Variants in ZSCAN25 observed in about 807,000 individuals in gnomAD.
ZSCAN25 encodes the protein zinc finger and SCAN domain containing 25.
A neutral mutation model predicts 38.7 loss-of-function variants in ZSCAN25; 27 were observed. The ratio of observed to expected loss-of-function variants is 0.70; its 90% confidence interval spans 0.51 to 0.96. The LOEUF is 0.96. ZSCAN25 is among the 40% of genes least tolerant of loss of function. The pLI is 0.00. For missense variants in ZSCAN25, 637 were observed against 705.9 expected (o/e 0.90, Z 1.11); for synonymous variants, 273 against 277.7 (o/e 0.98, Z 0.17).
At chr7:99,720,192 T>C in the ZSCAN25 span, 1 of 1,220,824 alleles carries the variant, frequency 8.2e-7, no homozygotes, top group Non-Finnish European at 1.2e-6. Flanking sequence ...ATGGGCAGGA[T>C]GAAGTGTACA....
the ZSCAN25 span, among the ~76,000 whole-genome samples, chr7:99,711,366 C>T: frequency 6.6e-6 from 1 of 152,132 alleles, no homozygotes; most frequent in African/African-American, 2.4e-5. Flanking sequence ...AATTAAAGGA[C>T]CTTTCCTTTA....
At chr7:99,642,429 G>A in the ZSCAN25 span, among the ~76,000 whole-genome samples, 1 of 152,184 alleles carries the variant, frequency 6.6e-6, no homozygotes, top group Non-Finnish European at 1.5e-5. Context: ...TGGACACCTA[G>A]CACCAACCAT....
chr7:99,705,580 G>T, the ZSCAN25 span: 1 of 1,613,236 alleles, frequency 6.2e-7, no homozygotes, highest in Non-Finnish European at 8.5e-7. Flanking sequence ...CCTCCAAAGC[G>T]TAATTTCAGG....
chr7:99,657,238 C>G, the ZSCAN25 span, among the ~76,000 whole-genome samples: 2 of 152,198 alleles, frequency 1.3e-5, no homozygotes, highest in African/African-American at 4.8e-5. Flanking sequence ...AAATTTCCCT[C>G]TACACATTGC....
At chr7:99,695,934 G>T in the ZSCAN25 span, 2 of 1,008,860 alleles carry the variant, frequency 2.0e-6, no homozygotes, top group Non-Finnish European at 3.0e-6. Context: ...ATGCTCAAGA[G>T]AAGGAGGTAA....
chr7:99,634,743 G>C (rs1584379562), downstream of ZSCAN25, among the ~76,000 whole-genome samples: 1 of 152,176 alleles, frequency 6.6e-6, no homozygotes, highest in Non-Finnish European at 1.5e-5. Context: ...CTTGCAGTGA[G>C]CCGAGATCGC....
chr7:99,672,014 G>T, the ZSCAN25 span: 1 of 573,954 alleles, frequency 1.7e-6, no homozygotes. Flanking sequence ...TATTAGGTTG[G>T]TGCAAAAGTT....
the ZSCAN25 span, among the ~76,000 whole-genome samples, chr7:99,645,253 TGC>T: frequency 6.6e-6 from 1 of 152,240 alleles, no homozygotes; most frequent in Non-Finnish European, 1.5e-5. Context: ...CTTCTGAAAG[TGC>T]TGGGATTACA....
the ZSCAN25 span, among the ~76,000 whole-genome samples, chr7:99,688,084 C>T: frequency 6.6e-6 from 1 of 152,140 alleles, no homozygotes; most frequent in African/African-American, 2.4e-5. Context: ...AAGGTAAAGA[C>T]CATCAAGGCT....
At chr7:99,677,960 G>A in the ZSCAN25 span, among the ~76,000 whole-genome samples, 1 of 152,350 alleles carries the variant, frequency 6.6e-6, no homozygotes, top group African/African-American at 2.4e-5. Flanking sequence ...GCTGTGCTGG[G>A]CGAACTCTTT....
At chr7:99,626,307 T>G (rs1323029815) in intron 7 of ZSCAN25, among the ~76,000 whole-genome samples, 1 of 151,990 alleles carries the variant, frequency 6.6e-6, no homozygotes, top group Non-Finnish European at 1.5e-5. Flanking sequence ...GTGAGTAGAG[T>G]GAGGCCGCTG....
the ZSCAN25 span, chr7:99,638,737 C>G: frequency 2.5e-5 from 31 of 1,234,824 alleles, no homozygotes; most frequent in Non-Finnish European, 3.6e-5. Context: ...TTCCTTGTTC[C>G]CGAAGATTTT....
the ZSCAN25 span, among the ~76,000 whole-genome samples, chr7:99,649,540 T>C: frequency 6.6e-6 from 1 of 152,314 alleles, no homozygotes; most frequent in African/African-American, 2.4e-5. Flanking sequence ...ATTCTCCACC[T>C]TGGCTTCACG....
At chr7:99,700,349 T>C in the ZSCAN25 span, among the ~76,000 whole-genome samples, 4 of 152,154 alleles carry the variant, frequency 2.6e-5, no homozygotes, top group African/African-American at 9.7e-5. Flanking sequence ...GCATGAAGCC[T>C]CTTAAATATC....
At chr7:99,617,923 G>A (rs897290780) in intron 1 of ZSCAN25, among the ~76,000 whole-genome samples, 3 of 152,254 alleles carry the variant, frequency 2.0e-5, no homozygotes, top group African/African-American at 7.2e-5. Flanking sequence ...CACTAGTGGA[G>A]TGAACCAATG....
In ZSCAN25 at chr7:99,626,363, C is replaced by T. The variant is rs140917170; in HGVS notation, c.805+2183C>T. On this transcript the variant is annotated intron_variant, in intron 7 of 7. Coordinates refer to ENST00000394152, the MANE Select transcript of ZSCAN25 (RefSeq NM_145115.3). ...GGTCCTTGTTTAAAAATTTTTTCTGCGCAGAGTAATGTGATGGAGGTTTTA... is the reference window on the plus strand; with the variant it reads ...GGTCCTTGTTTAAAAATTTTTTCTGTGCAGAGTAATGTGATGGAGGTTTTA... Among the ~76,000 whole-genome samples the T allele has an allele frequency of 1.2e-3, 180 of 152,182 alleles. 1 individual carries two copies. Among genetic ancestry groups the T allele is most frequent in the Non-Finnish European group, 1.5e-3 (101 of 68,006 alleles).
At chr7:99,658,938 C>T in the ZSCAN25 span, 1 of 152,182 alleles carries the variant, frequency 6.6e-6, no homozygotes, top group African/African-American at 2.4e-5. Flanking sequence ...TCCATCAGGT[C>T]CTTTAAGGAC....
At chr7:99,652,791 G>T in the ZSCAN25 span, 78 of 1,604,676 alleles carry the variant, frequency 4.9e-5, no homozygotes, top group Middle Eastern at 3.3e-4. Flanking sequence ...TGGAAGGAAA[G>T]AAACAGAATT....
At chr7:99,722,286 G>C in the ZSCAN25 span, 1 of 1,613,538 alleles carries the variant, frequency 6.2e-7, no homozygotes, top group Non-Finnish European at 8.5e-7. Context: ...GAATCTTCCA[G>C]AATACTCACC....
Sources: allele counts gnomAD v4.1 joint callset (sites outside exome capture counted in the v4.1 genomes callset), GRCh38; gene constraint gnomAD v4.1.1; transcripts MANE v1.5; gene names NCBI Gene and HGNC (gene_info 2026-07-23, HGNC 2026-07-21).